TMEM132D: variants seen among roughly 807,000 people sequenced by gnomAD.
TMEM132D encodes the protein transmembrane protein 132D.
Under a neutral mutation model 62.3 loss-of-function variants are expected in TMEM132D, and 21 were observed. The ratio of observed to expected loss-of-function variants is 0.34; its 90% CI spans 0.24 to 0.49. The LOEUF (loss-of-function observed/expected upper bound fraction) is 0.49, where lower values mean the gene tolerates loss of function less well. Among genes scored for constraint, TMEM132D ranks in the 20% least tolerant of loss-of-function variants. TMEM132D has a pLI of 0.99. For synonymous variants in TMEM132D, 621 were observed against 575.6 expected, an observed-to-expected ratio of 1.08 and a Z score of -1.13; for missense variants, 1,346 against 1,402.8, an observed-to-expected ratio of 0.96 and a Z score of 0.65.
chr12:129,470,330 A>G (rs1319100587), intron 3 of TMEM132D, among the ~76,000 whole-genome samples: 1 of 152,086 alleles, frequency 6.6e-6, no homozygotes, highest in African/African-American at 2.4e-5. Flanking sequence ...TTGTTTTTTT[A>G]AATTTTTGGT....
At chr12:129,290,385 G>A (rs985564314) in intron 4 of TMEM132D, among the ~76,000 whole-genome samples, 1 of 151,924 alleles carries the variant, frequency 6.6e-6, no homozygotes, top group African/African-American at 2.4e-5. Context: ...TCAAGTAACA[G>A]GTTATCGAAG....
intron 1 of TMEM132D, among the ~76,000 whole-genome samples, chr12:129,712,182 T>A (rs1010030367): frequency 1.3e-5 from 2 of 152,180 alleles, no homozygotes; most frequent in African/African-American, 4.8e-5. Context: ...TGGAGTGCAA[T>A]GGCGTGATCT....
chr12:129,185,050 A>C lies in TMEM132D; in HGVS notation c.1443+24470T>G, dbSNP rs115237970. Among the ~76,000 whole-genome samples, 1,437 of 152,304 alleles carry C rather than the reference A, an allele frequency of 9.4e-3. 24 individuals carry two copies. Among genetic ancestry groups the C allele is most frequent in the African/African-American group, 0.033 (1,354 of 41,560 alleles). On this transcript the variant is annotated intron_variant, in intron 5 of 8. Transcript: ENST00000422113. ...GTCTAAAATCAATTATCGTGAGCCG[A>C]GCTGAACCTGCGCTGAACTTATTTA...
At chr12:129,482,268 C>T (rs894169872) in intron 3 of TMEM132D, among the ~76,000 whole-genome samples, 3 of 152,174 alleles carry the variant, frequency 2.0e-5, no homozygotes, top group African/African-American at 7.2e-5. Context: ...ACCAGAATGT[C>T]CCTCGGTTGA....
intron 4 of TMEM132D, among the ~76,000 whole-genome samples, chr12:129,244,600 T>C (rs2135586537): frequency 6.6e-6 from 1 of 151,694 alleles, no homozygotes; most frequent in East Asian, 1.9e-4. Flanking sequence ...TGGTGGTGTT[T>C]TTTTATGTTT....
chr12:129,509,329 A>T (rs914643011), intron 3 of TMEM132D, among the ~76,000 whole-genome samples: 11 of 152,202 alleles, frequency 7.2e-5, no homozygotes, highest in African/African-American at 2.4e-4. Flanking sequence ...ATAAGTGCAC[A>T]CCTTAGTTTT....
chr12:129,695,379 G>A (rs1005574174), intron 2 of TMEM132D, among the ~76,000 whole-genome samples: 1 of 152,226 alleles, frequency 6.6e-6, no homozygotes, highest in African/African-American at 2.4e-5. Context: ...GGACATATGG[G>A]AACACTGCAA....
In TMEM132D at chr12:129,081,739, A is replaced by ATTTT. The variant is rs34663182; in HGVS notation, c.1923+16_1923+19dup. 23 of 1,481,946 alleles carry ATTTT rather than the reference A, an allele frequency of 1.6e-5. No individual in the cohort carries two copies. The African/African-American group carries it at 2.3e-4, about 15-fold the overall frequency. 91.8% of individuals were successfully genotyped at this position (1,481,946 alleles called of 1,614,324 possible). A position where few individuals can be genotyped will look rare whatever the true frequency, so the allele number is the denominator to read the frequency against. On this transcript the variant is annotated intron_variant, in intron 7 of 8. Coordinates refer to ENST00000422113, the MANE Select transcript of TMEM132D (RefSeq NM_133448.3). ...AAGACAGAGAGATCTTGATTTGGGG[A>ATTTT]TTTTTTTTTTTTTTTTTACCTGAAT...
At chr12:129,597,814 T>C (rs890216324) in intron 2 of TMEM132D, among the ~76,000 whole-genome samples, 1 of 152,184 alleles carries the variant, frequency 6.6e-6, no homozygotes, top group African/African-American at 2.4e-5. Context: ...CGCCTTGGAC[T>C]AGCTGTGGAG....
chr12:129,623,427 T>A (rs1279898050), intron 2 of TMEM132D, among the ~76,000 whole-genome samples: 13 of 151,996 alleles, frequency 8.6e-5, no homozygotes, highest in Admixed American at 8.5e-4. Flanking sequence ...GTATCCTTCA[T>A]CCACCCTCCC....
chr12:129,505,911 G>C (rs1875315402), intron 3 of TMEM132D, among the ~76,000 whole-genome samples: 2 of 152,104 alleles, frequency 1.3e-5, no homozygotes, highest in Non-Finnish European at 2.9e-5. Context: ...GTTTATGTGA[G>C]TCCTTATGTG....
At chr12:129,848,497 C>A (rs770377793) in intron 1 of TMEM132D, among the ~76,000 whole-genome samples, 2 of 152,118 alleles carry the variant, frequency 1.3e-5, no homozygotes, top group South Asian at 4.1e-4. Flanking sequence ...CAAAAAGACA[C>A]GTTTTCCAAT....
chr12:129,483,033 A>T (rs1008179599), intron 3 of TMEM132D, among the ~76,000 whole-genome samples: 2 of 151,766 alleles, frequency 1.3e-5, no homozygotes, highest in African/African-American at 4.8e-5. Flanking sequence ...AAATCTTCAA[A>T]AACTCCTTTT....
At chr12:129,614,997 G>A (rs1878876499) in intron 2 of TMEM132D, among the ~76,000 whole-genome samples, 1 of 152,256 alleles carries the variant, frequency 6.6e-6, no homozygotes, top group African/African-American at 2.4e-5. Context: ...GTAATCAGAA[G>A]CACACTTGAA....
At chr12:129,283,364 G>A (rs747579672) in intron 4 of TMEM132D, among the ~76,000 whole-genome samples, 10 of 152,084 alleles carry the variant, frequency 6.6e-5, no homozygotes, top group Non-Finnish European at 1.2e-4. Context: ...GCTAATTGTT[G>A]TATTTTTAGT....
At position 129,635,380 on chromosome 12, in the gene TMEM132D, A is replaced by C. The variant is rs77954527; in HGVS notation, c.968+64430T>G. ...ACAACAAACAGACAAAAGAAATGGC[A>C]AGGAGAGTCATCCACAGAGAGGTGC... On this transcript the variant is annotated intron_variant, in intron 2 of 8. Coordinates refer to ENST00000422113, the MANE Select transcript of TMEM132D (RefSeq NM_133448.3). 1.5e-3 allele frequency among the ~76,000 whole-genome samples: 225 copies of C among 152,368 alleles called. 1 individual carries two copies. Among genetic ancestry groups the C allele is most frequent in the African/African-American group, 5.1e-3 (214 of 41,598 alleles).
rs748545251 is a variant in TMEM132D at position 129,087,532 on chromosome 12, C to T, written c.1444-2830G>A. On this transcript the variant is annotated intron_variant, in intron 5 of 8. Transcript: ENST00000422113. The stretch of plus-strand genomic sequence containing the variant: ...GAGGCAGGGAGAGATTTGACTGCAG[C>T]GGGAGAAGAAGGTCCTGTGACCACA... 2.9e-4 allele frequency among the ~76,000 whole-genome samples: 43 copies of T among 150,750 alleles called. 1 individual carries two copies. The highest frequency in any genetic ancestry group is 5.2e-4 in the Non-Finnish European group (35 of 67,810).
At chr12:129,633,316 A>G (rs940014420) in intron 2 of TMEM132D, among the ~76,000 whole-genome samples, 7 of 152,218 alleles carry the variant, frequency 4.6e-5, no homozygotes, top group Non-Finnish European at 8.8e-5. Flanking sequence ...CAATTCTTAC[A>G]AGGAGCTTTT....
intron 4 of TMEM132D, among the ~76,000 whole-genome samples, chr12:129,264,292 T>C (rs887238331): frequency 2.2e-4 from 33 of 152,122 alleles, no homozygotes; most frequent in Admixed American, 2.2e-3. Context: ...GGGAGGCTGA[T>C]GCGGGAGGAT....
Sources: allele counts gnomAD v4.1 joint callset (sites outside exome capture counted in the v4.1 genomes callset), GRCh38; gene constraint gnomAD v4.1.1; transcripts MANE v1.5; gene names NCBI Gene and HGNC (gene_info 2026-07-23, HGNC 2026-07-21).